Variants in AGBL1 observed in about 807,000 individuals in gnomAD.
AGBL1 encodes the protein AGBL carboxypeptidase 1, also known as cytosolic carboxypeptidase 4.
In AGBL1, 130 loss-of-function variants were observed where a neutral mutation model predicts 118.9. The observed-to-expected ratio is 1.09, with a 90% CI of 0.95 to 1.26. AGBL1 has a LOEUF of 1.26. Among genes scored for constraint, AGBL1 ranks in the 50% most tolerant of loss-of-function variants. AGBL1 has a pLI of 0.00. For missense variants in AGBL1, 1,584 were observed against 1,298.1 expected (o/e 1.22, Z -3.38); for synonymous variants, 555 against 478.9 (o/e 1.16, Z -2.08).
At position 86,966,414 on chromosome 15, in the gene AGBL1, T is replaced by C. The variant is rs758633580; in HGVS notation, c.3222-21573T>C. ...TATGTATACATGAGCCATTTTGGTG[T>C]GCTGCACCCAGTAACTCGTCATTTA... is the stretch of plus-strand genomic sequence containing the variant. On this transcript the variant is annotated intron_variant, in intron 23 of 24. Coordinates refer to the AGBL1 transcript ENST00000441037. Among the ~76,000 whole-genome samples the C allele has an allele frequency of 1.1e-4, 16 of 152,072 alleles. No individual in the cohort carries two copies. The South Asian group carries it at 3.1e-3, about 30-fold the overall frequency.
intron 17 of AGBL1, among the ~76,000 whole-genome samples, chr15:86,331,285 A>G (rs980920900): frequency 2.6e-5 from 4 of 151,812 alleles, no homozygotes; most frequent in Non-Finnish European, 4.4e-5. Context: ...GACCAAATCT[A>G]TGAATTATTG....
At chr15:86,502,374 G>T (rs892100099) in intron 18 of AGBL1, among the ~76,000 whole-genome samples, 8 of 151,284 alleles carry the variant, frequency 5.3e-5, no homozygotes, top group Non-Finnish European at 4.4e-5. Context: ...TGTATCATTT[G>T]CAAATAAAGA....
intron 16 of AGBL1, among the ~76,000 whole-genome samples, chr15:86,280,616 T>G (rs547642897): frequency 3.3e-5 from 5 of 152,370 alleles, no homozygotes; most frequent in Admixed American, 2.6e-4. Flanking sequence ...ATTAGCATAT[T>G]TATAATCATA....
intron 21 of AGBL1, among the ~76,000 whole-genome samples, chr15:86,560,380 A>T (rs966007118): frequency 6.6e-6 from 1 of 150,512 alleles, no homozygotes; most frequent in Non-Finnish European, 1.5e-5. Flanking sequence ...ATGAGTGAGA[A>T]CTTGTGGTGT....
intron 22 of AGBL1, among the ~76,000 whole-genome samples, chr15:86,817,303 A>AC (rs1357333101): frequency 6.6e-6 from 1 of 151,512 alleles, no homozygotes; most frequent in African/African-American, 2.4e-5. Context: ...GAAAAAAAAA[A>AC]AAAAAAACCA....
chr15:86,846,560 C>A (rs2079322009), intron 22 of AGBL1, among the ~76,000 whole-genome samples: 1 of 152,094 alleles, frequency 6.6e-6, no homozygotes, highest in Non-Finnish European at 1.5e-5. Context: ...GAGACGGAGT[C>A]TCCCTCTGTC....
At chr15:86,626,836 CT>C (rs11318598) in intron 21 of AGBL1, among the ~76,000 whole-genome samples, 46,416 of 117,626 alleles carry the variant, frequency 0.39, 7,571 homozygotes, top group Middle Eastern at 0.54. Context: ...ATATACTTTT[CT>C]TTTTTTTTTT....
chr15:86,487,118 T>C (rs762975873), intron 18 of AGBL1, among the ~76,000 whole-genome samples: 1 of 152,048 alleles, frequency 6.6e-6, no homozygotes, highest in Non-Finnish European at 1.5e-5. Flanking sequence ...CTCTTTTTGG[T>C]TTCAGTCTTT....
intron 22 of AGBL1, among the ~76,000 whole-genome samples, chr15:86,853,787 A>G (rs539077609): frequency 5.9e-5 from 9 of 152,322 alleles, no homozygotes; most frequent in Admixed American, 2.6e-4. Flanking sequence ...TTTAAAGAAC[A>G]TCGGACTAAA....
intron 19 of AGBL1, among the ~76,000 whole-genome samples, chr15:86,537,388 G>A (rs777493186): frequency 6.6e-6 from 1 of 152,248 alleles, no homozygotes; most frequent in Non-Finnish European, 1.5e-5. Context: ...CTCTCAGGCT[G>A]ATAGGTTGCA....
intron 24 of AGBL1, among the ~76,000 whole-genome samples, chr15:87,006,676 C>A (rs1298863250): frequency 6.6e-6 from 1 of 152,150 alleles, no homozygotes; most frequent in South Asian, 2.1e-4. Context: ...TTGGCTCATG[C>A]TTTGTGCACT....
At chr15:86,200,609 CCTTTTT>C (rs1353376790) in intron 5 of AGBL1, among the ~76,000 whole-genome samples, 2 of 117,924 alleles carry the variant, frequency 1.7e-5, no homozygotes, top group African/African-American at 3.1e-5. Context: ...AATCATGAAT[CCTTTTT>C]CTTTTTCTTT....
Position 86,437,097 on chromosome 15 carries a change from A to G in AGBL1, c.2555+39551A>G, listed in dbSNP as rs573459213. The stretch of plus-strand genomic sequence containing the variant: ...CTTCTCCCCTAGTTGCTATCATCAG[A>G]GAGAGTGGTTTTTATAATTTTATAA... On this transcript the variant is annotated intron_variant, in intron 18 of 22. Coordinates refer to ENST00000614907, the MANE Select transcript of AGBL1 (RefSeq NM_001386094.1). 6.6e-5 allele frequency among the ~76,000 whole-genome samples: 10 copies of G among 152,204 alleles called. No homozygotes were observed. In the East Asian group the frequency reaches 1.9e-3, roughly 29 times the overall value.
At chr15:86,965,277 A>T (rs2081037808) in intron 23 of AGBL1, among the ~76,000 whole-genome samples, 1 of 152,112 alleles carries the variant, frequency 6.6e-6, no homozygotes, top group African/African-American at 2.4e-5. Context: ...ATTTCTCCAC[A>T]TCCTCTCCAG....
intron 21 of AGBL1, among the ~76,000 whole-genome samples, chr15:86,561,548 T>TACAA (rs1440412504): frequency 1.3e-5 from 2 of 152,252 alleles, no homozygotes; most frequent in Non-Finnish European, 2.9e-5. Flanking sequence ...GCTGTTTTTG[T>TACAA]TACTGTAGCC....
At chr15:86,690,205 GAAATT>G (rs2142599605) in intron 22 of AGBL1, among the ~76,000 whole-genome samples, 1 of 152,230 alleles carries the variant, frequency 6.6e-6, no homozygotes, top group East Asian at 1.9e-4. Flanking sequence ...GCTCTGTAAT[GAAATT>G]AAAGTCTTGC....
intron 23 of AGBL1, among the ~76,000 whole-genome samples, chr15:86,940,644 C>T (rs2080738797): frequency 6.6e-6 from 1 of 152,170 alleles, no homozygotes; most frequent in Non-Finnish European, 1.5e-5. Context: ...TGCTGAGGCT[C>T]CACATCACCA....
chr15:86,826,133 T>C (rs2079010742), intron 22 of AGBL1, among the ~76,000 whole-genome samples: 1 of 152,164 alleles, frequency 6.6e-6, no homozygotes, highest in Admixed American at 6.6e-5. Flanking sequence ...TGTGTGTGTA[T>C]GTACGTATAG....
intron 22 of AGBL1, among the ~76,000 whole-genome samples, chr15:86,873,568 T>C (rs1267183673): frequency 2.0e-5 from 3 of 152,094 alleles, no homozygotes; most frequent in Non-Finnish European, 4.4e-5. Flanking sequence ...AGTGGGGCCT[T>C]CATGAATGAG....
Sources: allele counts gnomAD v4.1 joint callset (sites outside exome capture counted in the v4.1 genomes callset), GRCh38; gene constraint gnomAD v4.1.1; transcripts MANE v1.5; gene names NCBI Gene and HGNC (gene_info 2026-07-23, HGNC 2026-07-21).